The following DAB1 variants were observed in gnomAD, a reference collection of about 807,000 sequenced individuals.
DAB1 encodes the protein DAB adaptor protein 1.
In DAB1, 15 loss-of-function variants were observed where a neutral mutation model predicts 64.6. The observed-to-expected ratio is 0.23, with a 90% confidence interval of 0.16 to 0.36. The LOEUF is 0.36. Among genes scored for constraint, DAB1 ranks in the 10% least tolerant of loss-of-function variants. The pLI, the probability that DAB1 is intolerant of heterozygous loss-of-function variation, is 1.00. For missense variants in DAB1, 596 were observed against 706.7 expected (o/e 0.84, Z 1.78); for synonymous variants, 235 against 251.9 (o/e 0.93, Z 0.64).
At chr1:57,128,318 A>T (rs535680414) in intron 4 of DAB1, among the ~76,000 whole-genome samples, 199 of 152,204 alleles carry the variant, frequency 1.3e-3, no homozygotes, top group Non-Finnish European at 2.0e-3. Context: ...ATAGCTTTTC[A>T]CCTAGTCTTC....
chr1:57,040,488 A>G (rs1400659748), intron 9 of DAB1, among the ~76,000 whole-genome samples: 1 of 152,176 alleles, frequency 6.6e-6, no homozygotes, highest in Non-Finnish European at 1.5e-5. Context: ...CCATGACTTC[A>G]TCTCAAATAT....
At chr1:57,412,174 T>G (rs1684165236) in intron 1 of DAB1, among the ~76,000 whole-genome samples, 2 of 152,226 alleles carry the variant, frequency 1.3e-5, no homozygotes, top group Admixed American at 1.3e-4. Flanking sequence ...AAATAAATGC[T>G]GTATGTTTTC....
At chr1:57,708,948 A>G (rs994481613) in intron 6 of DAB1, among the ~76,000 whole-genome samples, 25 of 151,968 alleles carry the variant, frequency 1.6e-4, no homozygotes, top group Non-Finnish European at 3.2e-4. Context: ...TAGTTGTTCA[A>G]TCTGGTGTTC....
At position 58,052,672 on chromosome 1, in the gene DAB1, C is replaced by T. The variant is rs1174416747; in HGVS notation, n.387+97839G>A. ...TTTTCATGATATTGATTCTTCCTAT[C>T]CATAAGCATGGAATGTTCTTCCATT... On this transcript the variant is annotated intron_variant and non_coding_transcript_variant, in intron 5 of 20. Transcript: ENST00000485760. Among the ~76,000 whole-genome samples, 6 of 152,288 alleles carry T rather than the reference C, an allele frequency of 3.9e-5. No individual in the cohort carries two copies. In the East Asian group the frequency reaches 9.7e-4, roughly 25 times the overall value.
chr1:57,176,973 A>T (rs1262063824), intron 2 of DAB1, among the ~76,000 whole-genome samples: 6 of 103,178 alleles, frequency 5.8e-5, no homozygotes, highest in East Asian at 5.4e-4. Context: ...CAGCAGATAT[A>T]AAAAAAAAAA....
At chr1:58,347,034 T>A (rs920115826) in intron 3 of DAB1, among the ~76,000 whole-genome samples, 13 of 152,198 alleles carry the variant, frequency 8.5e-5, no homozygotes, top group African/African-American at 3.1e-4. Context: ...CAAGCTTAAA[T>A]ACATGATAGA....
intron 9 of DAB1, among the ~76,000 whole-genome samples, chr1:57,052,948 C>G (rs1649337339): frequency 6.6e-6 from 1 of 152,178 alleles, no homozygotes; most frequent in Non-Finnish European, 1.5e-5. Context: ...CATGAAACAG[C>G]CTGTAAAATA....
chr1:58,200,352 C>T (rs1041247109), intron 4 of DAB1, among the ~76,000 whole-genome samples: 3 of 152,170 alleles, frequency 2.0e-5, no homozygotes, highest in Non-Finnish European at 4.4e-5. Context: ...CCATGCCATT[C>T]CTTTGTCCAC....
At chr1:57,877,225 C>T (rs1348924920) in intron 1 of DAB1, among the ~76,000 whole-genome samples, 1 of 152,162 alleles carries the variant, frequency 6.6e-6, no homozygotes, top group Non-Finnish European at 1.5e-5. Context: ...CTTGAACCCA[C>T]TGCCCCAGTT....
At chr1:57,123,967 A>G (rs906555717) in intron 4 of DAB1, among the ~76,000 whole-genome samples, 6 of 152,120 alleles carry the variant, frequency 3.9e-5, no homozygotes, top group African/African-American at 1.4e-4. Flanking sequence ...ATTTTCTACA[A>G]TAAATATATA....
rs1447741565 is a variant in DAB1, at chr1:57,053,688, A to ATATATATATATT, written c.723+9195_723+9196insAATATATATATA. 5.9e-3 allele frequency among the ~76,000 whole-genome samples: 422 copies of ATATATATATATT among 71,348 alleles called. 3 individuals are homozygous for ATATATATATATT. The highest frequency in any genetic ancestry group is 9.4e-3 in the East Asian group (26 of 2,758). The allele number at this position is 71,348 out of a possible 152,430, so 46.8% of individuals were successfully genotyped here. On this transcript the variant is annotated intron_variant, in intron 9 of 14. Coordinates refer to ENST00000371236, the MANE Select transcript of DAB1 (RefSeq NM_001365792.1). ...TATGTATATATATATATATATATAT[A>ATATATATATATT]TTTTTTTTTTTTTTTTTGAGACGGA...
At chr1:57,620,282 T>C (rs1392501682) in intron 7 of DAB1, among the ~76,000 whole-genome samples, 1 of 152,112 alleles carries the variant, frequency 6.6e-6, no homozygotes, top group Non-Finnish European at 1.5e-5. Flanking sequence ...TGAGTTTGGA[T>C]GTCCTAACCT....
At chr1:58,348,568 G>C (rs1240794530) in intron 3 of DAB1, among the ~76,000 whole-genome samples, 1 of 152,094 alleles carries the variant, frequency 6.6e-6, no homozygotes, top group African/African-American at 2.4e-5. Flanking sequence ...CTCTAGCTTG[G>C]GTCTGGCCCT....
At chr1:58,025,649 G>GTATATATATATATATATATA (rs1395128282) in intron 5 of DAB1, among the ~76,000 whole-genome samples, 4 of 115,050 alleles carry the variant, frequency 3.5e-5, no homozygotes, top group African/African-American at 1.5e-4. Flanking sequence ...ATATATATGT[G>GTATATATATATATATATATA]TGTATATATA....
intron 4 of DAB1, among the ~76,000 whole-genome samples, chr1:58,279,588 C>T (rs557971760): frequency 1.3e-5 from 2 of 152,198 alleles, no homozygotes; most frequent in African/African-American, 4.8e-5. Context: ...GGAAGTACGT[C>T]TCTAAAGTAG....
chr1:58,300,687 A>T (rs1040848373), intron 4 of DAB1, among the ~76,000 whole-genome samples: 6 of 148,638 alleles, frequency 4.0e-5, no homozygotes, highest in Admixed American at 1.3e-4. Flanking sequence ...GAAGGAAGGA[A>T]GGAAGGAAGG....
chr1:57,948,810 C>T (rs576217568), intron 5 of DAB1, among the ~76,000 whole-genome samples: 1 of 152,282 alleles, frequency 6.6e-6, no homozygotes, highest in South Asian at 2.1e-4. Context: ...AGAATCTGAA[C>T]CTAGAGGAAG....
intron 6 of DAB1, among the ~76,000 whole-genome samples, chr1:57,736,108 C>T (rs3131730): frequency 0.29 from 43,776 of 151,814 alleles, 7,581 homozygotes; most frequent in East Asian, 0.48. Flanking sequence ...CCTCCCCGTA[C>T]GGACGGCTAT....
At chr1:58,086,823 A>G (rs960672967) in intron 5 of DAB1, among the ~76,000 whole-genome samples, 2 of 151,772 alleles carry the variant, frequency 1.3e-5, no homozygotes, top group South Asian at 4.2e-4. Context: ...TCACTCTTTA[A>G]AGCCCAATAA....
Sources: allele counts gnomAD v4.1 joint callset (sites outside exome capture counted in the v4.1 genomes callset), GRCh38; gene constraint gnomAD v4.1.1; transcripts MANE v1.5; gene names NCBI Gene and HGNC (gene_info 2026-07-23, HGNC 2026-07-21).